The following FAM185A variants were observed in gnomAD, a reference collection of about 807,000 sequenced individuals.
FAM185A encodes the protein protein FAM185A.
Under a neutral mutation model 45.7 loss-of-function variants are expected in FAM185A, and 21 were observed. That is an observed-to-expected ratio of 0.46 (90% CI 0.33 to 0.66). The LOEUF is 0.66. Among genes scored for constraint, FAM185A ranks in the 30% least tolerant of loss-of-function variants. FAM185A has a pLI of 0.03. For synonymous variants in FAM185A, 117 were observed against 194.0 expected, an observed-to-expected ratio of 0.60 and a Z score of 3.30; for missense variants, 305 against 485.4, an observed-to-expected ratio of 0.63 and a Z score of 3.49.
At chr7:102,805,583 A>G (rs1797063882) in intron 7 of FAM185A, among the ~76,000 whole-genome samples, 1 of 152,210 alleles carries the variant, frequency 6.6e-6, no homozygotes, top group African/African-American at 2.4e-5. Context: ...GATGCAGTGT[A>G]TACTCCTCAA....
intron 3 of FAM185A, among the ~76,000 whole-genome samples, chr7:102,758,289 C>A (rs575056997): frequency 3.9e-5 from 6 of 152,102 alleles, no homozygotes; most frequent in Non-Finnish European, 8.8e-5. Flanking sequence ...TTGGATTTTT[C>A]TTGTGTTAGG....
intron 4 of FAM185A, among the ~76,000 whole-genome samples, chr7:102,766,073 TTC>T (rs1794374772): frequency 6.6e-6 from 1 of 152,238 alleles, no homozygotes; most frequent in Admixed American, 6.5e-5. Context: ...AATATGGTTT[TTC>T]TGACTCTATT....
At position 102,749,480 on chromosome 7, in the gene FAM185A, C is replaced by T. The variant is rs1473571089; in HGVS notation, c.273C>T (p.Asp91=). ...GCCACCTGGCCGTGAGGCCCCTGGA[C>T]CCCCTCACCTACCCGGATGGCGACC... is the stretch of plus-strand genomic sequence containing the variant. ...LPCHLAVRPL[D]PLTYPDGDRV... is the part of the protein sequence containing the mutation. The change falls in exon 1 of 8, where the codon GAC becomes GAT. Residue 91 remains aspartate (D), a synonymous_variant. Transcript: ENST00000413034. 1.1e-5 allele frequency: 17 copies of T among 1,544,058 alleles called. No homozygotes were observed. The highest frequency in any genetic ancestry group is 1.5e-5 in the Non-Finnish European group (17 of 1,144,476).
rs755787600 is a variant in FAM185A, at chr7:102,749,279, T to TGGCGCTG, written c.83_89dup (p.Cys31LeufsTer25). ...GTCTCCGTCAGGTCCGACTGTGGGC[T>TGGCGCTG]GGCGCTGGGCGCTGGGCTTGCTGGG... On this transcript the variant is annotated frameshift_variant, in exon 1 of 8. Coordinates refer to ENST00000413034, the MANE Select transcript of FAM185A (RefSeq NM_001145268.2). LOFTEE classifies it high-confidence loss of function. 3.4e-5 allele frequency: 53 copies of TGGCGCTG among 1,550,230 alleles called. No individual in the cohort carries two copies. The African/African-American group carries it at 3.4e-4, about 10-fold the overall frequency.
chr7:102,765,557 G>GA (rs538632192), intron 4 of FAM185A, among the ~76,000 whole-genome samples: 128 of 152,024 alleles, frequency 8.4e-4, no homozygotes, highest in African/African-American at 2.5e-3. Flanking sequence ...CATTAATGAG[G>GA]AAAAGAGTAA....
downstream of FAM185A, among the ~76,000 whole-genome samples, chr7:102,812,199 A>G (rs1165112739): frequency 6.6e-6 from 1 of 152,236 alleles, no homozygotes; most frequent in Non-Finnish European, 1.5e-5. Flanking sequence ...GTTACATAAT[A>G]TCAAATAATG....
At chr7:102,796,187 T>C (rs561438398) in intron 7 of FAM185A, among the ~76,000 whole-genome samples, 63 of 152,288 alleles carry the variant, frequency 4.1e-4, no homozygotes, top group East Asian at 9.7e-4. Flanking sequence ...AGCTGTCCTT[T>C]TGTGTTGAGT....
At chr7:102,754,336 G>T (rs927559830) in intron 2 of FAM185A, among the ~76,000 whole-genome samples, 1 of 152,182 alleles carries the variant, frequency 6.6e-6, no homozygotes, top group Admixed American at 6.5e-5. Context: ...GAGTAGCTGG[G>T]ATTACAGGCA....
the FAM185A span, among the ~76,000 whole-genome samples, chr7:102,848,384 G>A: frequency 1.3e-4 from 13 of 99,904 alleles, 1 homozygote; most frequent in Non-Finnish European, 2.0e-4. Flanking sequence ...GTGAAACCCC[G>A]TCTCTACTAA....
intron 5 of FAM185A, among the ~76,000 whole-genome samples, chr7:102,777,034 AT>A (rs1795115087): frequency 6.6e-6 from 1 of 152,192 alleles, no homozygotes. Context: ...TCAGGTTAAT[AT>A]AGATAAAGAT....
Position 102,749,349 on chromosome 7 carries a change from C to T in FAM185A, c.142C>T (p.Pro48Ser). 6.5e-7 allele frequency: 1 copy of T among 1,549,142 alleles called. No homozygotes were observed. The highest frequency in any genetic ancestry group is 8.7e-7 in the Non-Finnish European group (1 of 1,146,710). The change falls in exon 1 of 8, where the codon CCC becomes TCC. Residue 48 changes from proline to serine, a missense_variant. Transcript: ENST00000413034. ...PYSSGGSERWPGSETEVPPPG... is the reference protein window; with the variant it reads ...PYSSGGSERWSGSETEVPPPG... ...CAGCTCAGGTGGGAGCGAGCGCTGG[C>T]CCGGATCGGAGACTGAGGTCCCTCC...
chr7:102,773,883 C>T (rs542828756), intron 5 of FAM185A, among the ~76,000 whole-genome samples: 9 of 152,170 alleles, frequency 5.9e-5, no homozygotes, highest in African/African-American at 1.7e-4. Flanking sequence ...AGCCTTATGC[C>T]GGTGCCACAA....
intron 3 of FAM185A, among the ~76,000 whole-genome samples, chr7:102,759,977 G>A (rs59758846): frequency 0.084 from 12,749 of 151,750 alleles, 765 homozygotes; most frequent in East Asian, 0.2. Flanking sequence ...ACTTAACAAG[G>A]TTGTGAGAAT....
intron 7 of FAM185A, among the ~76,000 whole-genome samples, chr7:102,805,298 C>A (rs945063682): frequency 7.2e-5 from 11 of 152,092 alleles, no homozygotes; most frequent in African/African-American, 2.7e-4. Context: ...CATCAATCAA[C>A]AAGTGGATAA....
intron 6 of FAM185A, among the ~76,000 whole-genome samples, chr7:102,781,415 C>T (rs181697575): frequency 8.5e-4 from 129 of 152,332 alleles, no homozygotes; most frequent in African/African-American, 2.1e-3. Flanking sequence ...TCCCCCAGTA[C>T]GGGCAGACTG....
chr7:102,833,515 C>A, the FAM185A span, among the ~76,000 whole-genome samples: 2 of 151,170 alleles, frequency 1.3e-5, no homozygotes, highest in African/African-American at 2.4e-5. Flanking sequence ...TCACTGCAAC[C>A]TCTGTCTGCC....
At chr7:102,812,840 CTTTTTTTTTTTT>C (rs908090315), downstream of FAM185A, among the ~76,000 whole-genome samples, 6 of 122,566 alleles carry the variant, frequency 4.9e-5, no homozygotes, top group African/African-American at 9.0e-5. Flanking sequence ...GATTTGGCTT[CTTTTTTTTTTTT>C]TTTTTTTTGA....
At chr7:102,750,663 G>C (rs1793308794) in intron 1 of FAM185A, among the ~76,000 whole-genome samples, 1 of 151,958 alleles carries the variant, frequency 6.6e-6, no homozygotes, top group Non-Finnish European at 1.5e-5. Flanking sequence ...TATAGGATTT[G>C]GTACTATTTG....
intron 6 of FAM185A, among the ~76,000 whole-genome samples, chr7:102,778,168 C>G (rs1485869866): frequency 6.6e-6 from 1 of 152,190 alleles, no homozygotes; most frequent in Admixed American, 6.5e-5. Flanking sequence ...TTAGTAGTTG[C>G]TTTACCATAT....
Sources: allele counts gnomAD v4.1 joint callset (sites outside exome capture counted in the v4.1 genomes callset), GRCh38; gene constraint gnomAD v4.1.1; transcripts MANE v1.5; gene names NCBI Gene and HGNC (gene_info 2026-07-23, HGNC 2026-07-21).